The following PCM1 variants were observed in gnomAD, a reference collection of about 807,000 sequenced individuals.
PCM1 encodes pericentriolar material 1, also known as pericentriolar material 1 protein.
In PCM1, 157 loss-of-function variants were observed where a neutral mutation model predicts 241.9. The ratio of observed to expected loss-of-function variants is 0.65; its 90% confidence interval spans 0.57 to 0.74. The LOEUF is 0.74. PCM1 is among the 30% of genes least tolerant of loss of function. The probability of loss-of-function intolerance (pLI) is 0.00; values close to 1 mark genes in which losing one functional copy is unlikely to be tolerated. For missense variants in PCM1, 3,478 were observed against 2,360.1 expected, an observed-to-expected ratio of 1.47 and a Z score of -9.81; for synonymous variants, 1,085 against 784.9, an observed-to-expected ratio of 1.38 and a Z score of -6.39.
At chr8:18,003,651 C>T (rs2090349425) in intron 29 of PCM1, among the ~76,000 whole-genome samples, 1 of 152,062 alleles carries the variant, frequency 6.6e-6, no homozygotes, top group Non-Finnish European at 1.5e-5. Context: ...ATAGTACCTA[C>T]AGCCAAGAAG....
chr8:17,951,083 T>C (rs1293826003), intron 8 of PCM1, among the ~76,000 whole-genome samples: 1 of 152,240 alleles, frequency 6.6e-6, no homozygotes, highest in African/African-American at 2.4e-5. Context: ...GCTTTAAATC[T>C]GTGTCCTTCG....
intron 36 of PCM1, among the ~76,000 whole-genome samples, chr8:18,022,433 T>C (rs578204397): frequency 6.6e-5 from 10 of 152,304 alleles, no homozygotes; most frequent in African/African-American, 2.4e-4. Context: ...TTGCTGGCCA[T>C]GTAGTCATAT....
chr8:17,939,118 A>G, intron 5 of PCM1, 109 bp downstream of exon 5: 13 of 1,013,016 alleles, frequency 1.3e-5, no homozygotes, highest in Non-Finnish European at 1.9e-5. Flanking sequence ...GGGTGGAATT[A>G]AAGTGCTTCA....
chr8:18,014,796 G>C lies in PCM1; in HGVS notation c.5797G>C (p.Ala1933Pro). Reference protein sequence around the residue: ...SAQETPESSLAGSPDTESPVL... With the variant: ...SAQETPESSLPGSPDTESPVL... ...TCAGGAAACTCCTGAAAGCTCTCTGGCTGGAAGTCCTGATACTGAATCTCC... is the reference window on the plus strand; with the variant it reads ...TCAGGAAACTCCTGAAAGCTCTCTGCCTGGAAGTCCTGATACTGAATCTCC... Residue 1933 changes from alanine (A) to proline (P), a missense_variant, in exon 36 of 39, where the codon GCT becomes CCT. Coordinates refer to ENST00000325083, the MANE Select transcript of PCM1 (RefSeq NM_006197.4). 7 of 1,605,598 alleles carry C rather than the reference G, an allele frequency of 4.4e-6. No individual in the cohort carries two copies. The highest frequency in any genetic ancestry group is 5.1e-6 in the Non-Finnish European group (6 of 1,178,534).
At chr8:17,929,687 A>G (rs2058345664) in intron 2 of PCM1, among the ~76,000 whole-genome samples, 1 of 152,146 alleles carries the variant, frequency 6.6e-6, no homozygotes, top group African/African-American at 2.4e-5. Context: ...GTGTTGTAAT[A>G]CAGTAGTCTG....
At position 17,985,953 on chromosome 8, in the gene PCM1, A is replaced by G. The variant is rs766406400; in HGVS notation, c.4282-6A>G. 2.7e-6 allele frequency: 4 copies of G among 1,506,042 alleles called. No individual in the cohort carries two copies. The South Asian group carries it at 4.9e-5, about 19-fold the overall frequency. The allele number at this position is 1,506,042 out of a possible 1,614,324, so 93.3% of individuals were successfully genotyped here. ...ATATAAATGATGATCTTATTTTCTT[A>G]TTTAGGACATAGTATCCAGACATAT... On this transcript the variant is annotated splice_region_variant and splice_polypyrimidine_tract_variant and intron_variant, in intron 25 of 38. Coordinates refer to ENST00000325083, the MANE Select transcript of PCM1 (RefSeq NM_006197.4).
At chr8:17,951,910 A>G (rs1338294641) in intron 8 of PCM1, among the ~76,000 whole-genome samples, 1 of 151,910 alleles carries the variant, frequency 6.6e-6, no homozygotes, top group Admixed American at 6.6e-5. Context: ...GATTCTTGCA[A>G]AGTTTCATAA....
At chr8:18,022,754 C>G (rs1318641939) in intron 36 of PCM1, among the ~76,000 whole-genome samples, 1 of 152,178 alleles carries the variant, frequency 6.6e-6, no homozygotes, top group Admixed American at 6.5e-5. Context: ...GACTGCTCTC[C>G]TATATAATGA....
rs928912148 is a variant in PCM1 at position 17,939,972 on chromosome 8, A to G, written c.783+111A>G. 5 of 1,213,260 alleles carry G rather than the reference A, an allele frequency of 4.1e-6. No homozygotes were observed. The Admixed American group carries it at 6.0e-5, about 15-fold the overall frequency. 75.2% of individuals were successfully genotyped at this position (1,213,260 alleles called of 1,614,324 possible). On this transcript the variant is annotated intron_variant, in intron 6 of 38. Transcript: ENST00000325083. ...GGAGTTAACATATTTTCAAAAAATC[A>G]TGCCATCCATTATAACAATTTATTG...
rs778416192 is a variant in PCM1, at chr8:17,938,842, A to G, written c.445A>G (p.Asn149Asp). The change falls in exon 5 of 39, where the codon AAT becomes GAT. Residue 149 changes from asparagine (N) to aspartate (D), a missense_variant. Transcript: ENST00000325083. ...CTTCAACTTTTTGCCTATGCAGATT[A>G]ATACTAACAAGAGCAAAGATGCATC... Reference protein sequence around the residue: ...KPFNFLPMQINTNKSKDASTN... With the variant: ...KPFNFLPMQIDTNKSKDASTN... 1 of 1,613,600 alleles carries G rather than the reference A, an allele frequency of 6.2e-7. No homozygotes were observed. The highest frequency in any genetic ancestry group is 2.2e-5 in the East Asian group (1 of 44,878).
At chr8:17,954,960 G>T (rs112928427) in intron 9 of PCM1, among the ~76,000 whole-genome samples, 14 of 151,940 alleles carry the variant, frequency 9.2e-5, no homozygotes, top group African/African-American at 2.9e-4. Flanking sequence ...TTCCTTCTTG[G>T]TGTCCAGATG....
intron 6 of PCM1, among the ~76,000 whole-genome samples, chr8:17,941,844 T>C (rs1025472545): frequency 2.0e-5 from 3 of 147,582 alleles, no homozygotes; most frequent in Non-Finnish European, 4.4e-5. Context: ...AGGTATACTT[T>C]ACAATATTAA....
intron 36 of PCM1, among the ~76,000 whole-genome samples, chr8:18,019,258 A>T (rs779652023): frequency 6.6e-6 from 1 of 152,076 alleles, no homozygotes; most frequent in Non-Finnish European, 1.5e-5. Flanking sequence ...TATGTAGATA[A>T]TCTTTCATAC....
At chr8:17,923,644 G>C (rs2055524305) in intron 1 of PCM1, among the ~76,000 whole-genome samples, 1 of 152,116 alleles carries the variant, frequency 6.6e-6, no homozygotes, top group African/African-American at 2.4e-5. Flanking sequence ...GGTGTCCAGA[G>C]TTTGGGGTGT....
chr8:18,025,762 T>G, intron 38 of PCM1, 104 bp downstream of exon 38: 2 of 641,696 alleles, frequency 3.1e-6, no homozygotes, highest in Non-Finnish European at 5.4e-6. Flanking sequence ...CCTGGGAGAT[T>G]TAAGCCAAAT....
intron 2 of PCM1, among the ~76,000 whole-genome samples, chr8:17,930,199 G>T (rs2058552965): frequency 6.6e-6 from 1 of 150,452 alleles, no homozygotes; most frequent in African/African-American, 2.4e-5. Flanking sequence ...CGCCTCCTGG[G>T]TTCACACCAT....
rs1029436240 is a variant in PCM1 at position 17,948,118 on chromosome 8, CTCT to C, written c.961+760_961+762del. ...CACTGTCTGCTTTTAGTAATAATTT[CTCT>C]TCTTTGAGCGCTTTGTTTTTGCGAG... On this transcript the variant is annotated intron_variant, in intron 7 of 38. Coordinates refer to ENST00000325083, the MANE Select transcript of PCM1 (RefSeq NM_006197.4). Among the ~76,000 whole-genome samples the C allele has an allele frequency of 6.6e-5, 10 of 151,834 alleles. No homozygotes were observed. In the Middle Eastern group the frequency reaches 0.014, roughly 207 times the overall value.
At chr8:17,924,964 C>G (rs1413327864) in intron 2 of PCM1, 184 bp downstream of exon 2, 3 of 152,210 alleles carry the variant, frequency 2.0e-5, no homozygotes, top group Non-Finnish European at 4.4e-5. Context: ...GCCGGTATAT[C>G]TTTGTTCGGA....
At chr8:17,966,593 C>A in intron 20 of PCM1, 120 bp downstream of exon 20, 2 of 792,214 alleles carry the variant, frequency 2.5e-6, no homozygotes, top group Non-Finnish European at 1.9e-6. Flanking sequence ...TTCTCTTTCC[C>A]TTGAGAATTT....
Sources: allele counts gnomAD v4.1 joint callset (sites outside exome capture counted in the v4.1 genomes callset), GRCh38; gene constraint gnomAD v4.1.1; transcripts MANE v1.5; gene names NCBI Gene and HGNC (gene_info 2026-07-23, HGNC 2026-07-21).